The following CCDC144A variants were observed in gnomAD, a reference collection of about 807,000 sequenced individuals.
CCDC144A encodes coiled-coil domain containing 144A.
A neutral mutation model predicts 143.8 loss-of-function variants in CCDC144A; 41 were observed. That is an observed-to-expected ratio of 0.29 (90% CI 0.22 to 0.37). The LOEUF (loss-of-function observed/expected upper bound fraction) is 0.37. Ranked by LOEUF, CCDC144A falls within the 10% of genes least tolerant of loss-of-function variation. The pLI, the probability that CCDC144A is intolerant of heterozygous loss-of-function variation, is 1.00. For missense variants in CCDC144A, 637 were observed against 1,488.8 expected (o/e 0.43, Z 9.41); for synonymous variants, 242 against 517.9 (o/e 0.47, Z 7.23).
intron 12 of CCDC144A, among the ~76,000 whole-genome samples, chr17:16,754,154 C>T (rs967532930): frequency 6.6e-6 from 1 of 152,188 alleles, no homozygotes; most frequent in Non-Finnish European, 1.5e-5. Context: ...CCATGTATTT[C>T]TTTGCTATCT....
rs1383590946 is a variant in CCDC144A, at chr17:16,775,192, T to C, written c.*1559T>C. On this transcript the variant is annotated 3_prime_UTR_variant, in exon 17 of 17. Transcript: ENST00000399273. ...GAACATACGTGTGCGTGTATCTTTA[T>C]ACTAGAATTAGTTATATTCCTTTGG... 1.3e-5 allele frequency: 2 copies of C among 152,414 alleles called. No homozygotes were observed. The highest frequency in any genetic ancestry group is 4.8e-5 in the African/African-American group (2 of 41,598). 9.4% of individuals were successfully genotyped at this position (152,414 alleles called of 1,614,324 possible).
chr17:16,668,327 AG>A, the CCDC144A span, among the ~76,000 whole-genome samples: 1 of 152,194 alleles, frequency 6.6e-6, no homozygotes, highest in Non-Finnish European at 1.5e-5. Context: ...AATATACTTT[AG>A]TCACTTATAC....
chr17:16,734,814 A>T lies in CCDC144A; in HGVS notation c.2543A>T (p.Lys848Ile), dbSNP rs1913917908. ...IKNQNKQKEK[K>I]YFEDIEAVKE... ...AATCAGAACAAGCAAAAGGAAAAGAAATATTTTGAGGACATTGAGGCTGTG... is the reference window on the plus strand; with the variant it reads ...AATCAGAACAAGCAAAAGGAAAAGATATATTTTGAGGACATTGAGGCTGTG... Residue 848 changes from lysine (K) to isoleucine (I), a missense_variant, in exon 12 of 17, where the codon AAA becomes ATA. Coordinates refer to ENST00000399273, the MANE Select transcript of CCDC144A (RefSeq NM_001382000.1). 6.4e-7 allele frequency: 1 copy of T among 1,552,280 alleles called. No homozygotes were observed. Among genetic ancestry groups the T allele is most frequent in the Non-Finnish European group, 8.7e-7 (1 of 1,153,024 alleles).
chr17:16,725,598 G>T (rs892789077), intron 8 of CCDC144A, among the ~76,000 whole-genome samples: 1 of 152,110 alleles, frequency 6.6e-6, no homozygotes, highest in Admixed American at 6.6e-5. Flanking sequence ...GCATAAAAAT[G>T]ATACAATGGA....
At chr17:16,694,684 G>A (rs2143040599) in intron 2 of CCDC144A, among the ~76,000 whole-genome samples, 1 of 152,028 alleles carries the variant, frequency 6.6e-6, no homozygotes, top group Admixed American at 6.5e-5. Context: ...AGTCAGAAAA[G>A]CAATTCCTTG....
chr17:16,751,089 A>G (rs1914768255), intron 12 of CCDC144A, among the ~76,000 whole-genome samples: 1 of 152,228 alleles, frequency 6.6e-6, no homozygotes, highest in Admixed American at 6.5e-5. Flanking sequence ...TTTGGAGGTA[A>G]TGAAATGCTC....
At chr17:16,691,414 G>T (rs1385507920) in intron 1 of CCDC144A, among the ~76,000 whole-genome samples, 1 of 152,000 alleles carries the variant, frequency 6.6e-6, no homozygotes, top group Admixed American at 6.5e-5. Flanking sequence ...AAGTATGTTA[G>T]TTGGATTTAA....
At position 16,774,711 on chromosome 17, in the gene CCDC144A, AG is replaced by A. The variant is rs1915945189; in HGVS notation, c.*1082del. ...TTTTTTATTTTCATCTTTTAAGTTC[AG>A]GGGTACATGTGCAGGATGTGCAGGA... On this transcript the variant is annotated 3_prime_UTR_variant, in exon 17 of 17. Transcript: ENST00000399273. 1 of 147,200 alleles carries A rather than the reference AG, an allele frequency of 6.8e-6. No homozygotes were observed. 9.1% of individuals were successfully genotyped at this position (147,200 alleles called of 1,614,324 possible).
intron 12 of CCDC144A, among the ~76,000 whole-genome samples, chr17:16,760,009 T>G (rs1365944472): frequency 6.6e-6 from 1 of 152,242 alleles, no homozygotes; most frequent in East Asian, 1.9e-4. Context: ...AGCTGGCTTT[T>G]GGCTGGGACG....
At chr17:16,672,141 C>T in the CCDC144A span, among the ~76,000 whole-genome samples, 4 of 152,208 alleles carry the variant, frequency 2.6e-5, no homozygotes, top group East Asian at 7.7e-4. Context: ...ATTGCTGCCT[C>T]CTATCAGAAT....
At position 16,702,056 on chromosome 17, in the gene CCDC144A, A is replaced by G. The variant is rs143874295; in HGVS notation, c.416-3095A>G. On this transcript the variant is annotated intron_variant, in intron 2 of 16. Coordinates refer to ENST00000399273, the MANE Select transcript of CCDC144A (RefSeq NM_001382000.1). ...TGAAAACAGTCTATATTATTATAATATGGCTCATCTACAACTAAATGCTCT... is the reference window on the plus strand; with the variant it reads ...TGAAAACAGTCTATATTATTATAATGTGGCTCATCTACAACTAAATGCTCT... Among the ~76,000 whole-genome samples, 623 of 152,278 alleles carry G rather than the reference A, an allele frequency of 4.1e-3. 7 individuals are homozygous for G. Among genetic ancestry groups the G allele is most frequent in the African/African-American group, 0.014 (593 of 41,562 alleles).
chr17:16,667,345 GGA>G, the CCDC144A span, among the ~76,000 whole-genome samples: 28 of 138,650 alleles, frequency 2.0e-4, no homozygotes, highest in East Asian at 3.5e-3. Flanking sequence ...AGGCGGCTGA[GGA>G]GCTGAGGGGC....
chr17:16,686,300 C>G (rs1044395601), upstream of CCDC144A, among the ~76,000 whole-genome samples: 1 of 151,928 alleles, frequency 6.6e-6, no homozygotes, highest in Non-Finnish European at 1.5e-5. Flanking sequence ...CCATACCAGC[C>G]CCTCTCCAAT....
chr17:16,736,771 GA>G (rs1914025398), intron 12 of CCDC144A, among the ~76,000 whole-genome samples: 1 of 150,824 alleles, frequency 6.6e-6, no homozygotes, highest in Admixed American at 6.6e-5. Context: ...AAGGCCATTG[GA>G]ATTTTACTTG....
At chr17:16,720,789 C>T in intron 8 of CCDC144A, 131 bp downstream of exon 8, 2 of 1,445,134 alleles carry the variant, frequency 1.4e-6, no homozygotes, top group Non-Finnish European at 1.8e-6. Context: ...AGAGAACTAA[C>T]TTATACTCTA....
chr17:16,737,893 A>T (rs1010333977), intron 12 of CCDC144A, among the ~76,000 whole-genome samples: 2 of 151,954 alleles, frequency 1.3e-5, no homozygotes, highest in African/African-American at 4.8e-5. Context: ...AAAAATAAGG[A>T]TCATTTCCAA....
At position 16,690,623 on chromosome 17, in the gene CCDC144A, G is replaced by T; in HGVS notation, c.223G>T (p.Asp75Tyr). Residue 75 changes from aspartate (D) to tyrosine (Y), a missense_variant, in exon 1 of 17, where the codon GAC becomes TAC. Asp to Tyr is a radical substitution (Grantham distance 160). Transcript: ENST00000399273. ...GGGCGCCTTAGACCAGCCCCAGCAC[G>T]ACGTCCGCCTGGAAGATCTTGGCGA... is the stretch of plus-strand genomic sequence containing the variant. The part of the protein sequence containing the change: ...GEGALDQPQH[D>Y]VRLEDLGELH... 3 of 1,613,724 alleles carry T rather than the reference G, an allele frequency of 1.9e-6. No homozygotes were observed. Among genetic ancestry groups the T allele is most frequent in the Non-Finnish European group, 1.7e-6 (2 of 1,179,860 alleles).
In CCDC144A at chr17:16,774,918, G is replaced by A. The variant is rs1915953455; in HGVS notation, c.*1285G>A. The A allele has an allele frequency of 6.7e-6, 1 of 148,476 alleles. No homozygotes were observed. The highest frequency in any genetic ancestry group is 1.5e-5 in the Non-Finnish European group (1 of 67,878). 9.2% of individuals were successfully genotyped at this position (148,476 alleles called of 1,614,324 possible). On this transcript the variant is annotated 3_prime_UTR_variant, in exon 17 of 17. Coordinates refer to ENST00000399273, the MANE Select transcript of CCDC144A (RefSeq NM_001382000.1). ...GTGTTGTTCCCCGCCATGTGTCCAT[G>A]TGTTCTCATTATTCAGCTCCCACTT...
At chr17:16,756,002 G>A (rs1331558729) in intron 12 of CCDC144A, among the ~76,000 whole-genome samples, 1 of 152,132 alleles carries the variant, frequency 6.6e-6, no homozygotes, top group African/African-American at 2.4e-5. Context: ...ATTTGATATG[G>A]ATTCCCTTGT....
Sources: allele counts gnomAD v4.1 joint callset (sites outside exome capture counted in the v4.1 genomes callset), GRCh38; gene constraint gnomAD v4.1.1; transcripts MANE v1.5; gene names NCBI Gene and HGNC (gene_info 2026-07-23, HGNC 2026-07-21).